ARMC8: variants seen among roughly 807,000 people sequenced by gnomAD.
ARMC8 encodes armadillo repeat-containing protein 8.
Under a neutral mutation model 99.3 loss-of-function variants are expected in ARMC8, and 20 were observed. That is an observed-to-expected ratio of 0.20 (90% CI 0.14 to 0.29). The LOEUF (loss-of-function observed/expected upper bound fraction) is 0.29. Ranked by LOEUF, ARMC8 falls within the 10% of genes least tolerant of loss-of-function variation. The pLI is 1.00. For synonymous variants in ARMC8, 263 were observed against 278.3 expected (o/e 0.95, Z 0.55); for missense variants, 569 against 809.5 (o/e 0.70, Z 3.60).
intron 16 of ARMC8, 133 bp downstream of exon 16, chr3:138,270,265 C>G: frequency 1.5e-6 from 1 of 685,184 alleles, no homozygotes; most frequent in Non-Finnish European, 2.4e-6. Context: ...TTCTAGTTTT[C>G]TAATGACTAG....
chr3:138,202,951 C>T (rs187890507), intron 1 of ARMC8, among the ~76,000 whole-genome samples: 2 of 152,122 alleles, frequency 1.3e-5, no homozygotes, highest in African/African-American at 2.4e-5. Flanking sequence ...GGAGTTTAAA[C>T]CCTACCTGAA....
At chr3:138,235,176 C>G (rs1421577878) in intron 7 of ARMC8, 62 bp downstream of exon 7, 1 of 1,137,780 alleles carries the variant, frequency 8.8e-7, no homozygotes, top group East Asian at 2.4e-5. Context: ...AGAAACAGAC[C>G]CACATATTTT....
At chr3:138,264,083 G>C in intron 13 of ARMC8, 48 bp from the exon 14 acceptor site, 7 of 1,544,944 alleles carry the variant, frequency 4.5e-6, no homozygotes, top group Non-Finnish European at 6.3e-6. Context: ...TGTTTGAAAA[G>C]TAAAAGTTTT....
At chr3:138,188,997 T>A (rs560610938) in intron 1 of ARMC8, among the ~76,000 whole-genome samples, 50 of 152,302 alleles carry the variant, frequency 3.3e-4, no homozygotes, top group Non-Finnish European at 4.7e-4. Flanking sequence ...TGCAGGCCAA[T>A]GACTTTTACC....
chr3:138,278,635 T>C (rs1389934233), intron 18 of ARMC8, among the ~76,000 whole-genome samples: 2 of 152,232 alleles, frequency 1.3e-5, no homozygotes, highest in Admixed American at 1.3e-4. Context: ...ATTGTATTTA[T>C]AAATAAATTT....
chr3:138,292,985 A>G (rs902083279), intron 21 of ARMC8, among the ~76,000 whole-genome samples: 9 of 152,286 alleles, frequency 5.9e-5, no homozygotes, highest in Admixed American at 5.2e-4. Flanking sequence ...TTCAAAACTC[A>G]TATCAGGTTG....
At chr3:138,292,031 TTTTTCTTTCTTTTC>T (rs1311894724) in intron 21 of ARMC8, among the ~76,000 whole-genome samples, 1 of 152,144 alleles carries the variant, frequency 6.6e-6, no homozygotes, top group Non-Finnish European at 1.5e-5. Context: ...CCTTTTTCTT[TTTTTCTTTCTTTTC>T]TTTTCTTTCG....
chr3:138,276,354 C>T (rs1196601257), intron 18 of ARMC8, among the ~76,000 whole-genome samples: 3 of 152,190 alleles, frequency 2.0e-5, no homozygotes, highest in African/African-American at 7.2e-5. Flanking sequence ...ATGAAACTGT[C>T]ACCACAGACA....
chr3:138,266,712 A>T, intron 14 of ARMC8, among the ~76,000 whole-genome samples: 1 of 152,214 alleles, frequency 6.6e-6, no homozygotes, highest in East Asian at 1.9e-4. Context: ...ATGCAGTAGT[A>T]GCCTGCTTGA....
chr3:138,258,021 C>T (rs2047491986), intron 12 of ARMC8, among the ~76,000 whole-genome samples: 1 of 152,176 alleles, frequency 6.6e-6, no homozygotes, highest in African/African-American at 2.4e-5. Flanking sequence ...CTTGTTATTA[C>T]TCATAATCCA....
intron 12 of ARMC8, among the ~76,000 whole-genome samples, chr3:138,250,274 T>C (rs1041782182): frequency 1.3e-5 from 2 of 152,068 alleles, no homozygotes; most frequent in African/African-American, 4.8e-5. Flanking sequence ...ACATAATAGG[T>C]GCTCAATAAA....
chr3:138,265,981 G>A (rs1394502055), intron 14 of ARMC8, among the ~76,000 whole-genome samples: 1 of 152,170 alleles, frequency 6.6e-6, no homozygotes, highest in African/African-American at 2.4e-5. Flanking sequence ...CACTACTCAG[G>A]AGCTGTCAGG....
At chr3:138,288,984 C>CA (rs891398550) in intron 19 of ARMC8, 64 bp from the exon 20 acceptor site, 1,123 of 1,347,294 alleles carry the variant, frequency 8.3e-4, no homozygotes, top group Non-Finnish European at 9.2e-4. Context: ...TAGGTCCCCC[C>CA]AAAAAAAAAT....
intron 1 of ARMC8, among the ~76,000 whole-genome samples, chr3:138,207,808 GATT>G (rs994960869): frequency 6.6e-6 from 1 of 152,202 alleles, no homozygotes; most frequent in African/African-American, 2.4e-5. Flanking sequence ...GGATTGAGCA[GATT>G]ATTGTTGAGA....
intron 1 of ARMC8, 147 bp from the exon 2 acceptor site, chr3:138,209,670 C>A: frequency 3.1e-6 from 2 of 640,356 alleles, no homozygotes; most frequent in Non-Finnish European, 5.5e-6. Context: ...TATCCCATAT[C>A]ATGAGGAGGC....
chr3:138,188,298 G>A, intron 1 of ARMC8: 2 of 1,032,198 alleles, frequency 1.9e-6, no homozygotes, highest in Non-Finnish European at 2.7e-6. Context: ...GTCAAACATT[G>A]AAGGGGGGAA....
At chr3:138,200,703 A>T (rs1323981879) in intron 1 of ARMC8, among the ~76,000 whole-genome samples, 2 of 151,786 alleles carry the variant, frequency 1.3e-5, no homozygotes, top group Non-Finnish European at 2.9e-5. Flanking sequence ...CTTAGCATAC[A>T]CCCTTCCCTT....
Position 138,201,436 on chromosome 3 carries a change from C to CTTTTTTT in ARMC8, c.46-8346_46-8340dup, listed in dbSNP as rs58707271. 4.6e-4 allele frequency among the ~76,000 whole-genome samples: 30 copies of CTTTTTTT among 64,994 alleles called. 9 individuals are homozygous for CTTTTTTT. The highest frequency in any genetic ancestry group is 6.8e-4 in the Non-Finnish European group (20 of 29,394). The allele number at this position is 64,994 out of a possible 152,430, so 42.6% of individuals were successfully genotyped here. ...TAGAGTCCTTGTCTTCTTCCCCTCC[C>CTTTTTTT]TTTTTTTTTTTTTTTTTTTTTTTTT... On this transcript the variant is annotated intron_variant, in intron 1 of 21. Transcript: ENST00000469044.
At chr3:138,294,899 GTTC>G (rs1269977221) in intron 21 of ARMC8, among the ~76,000 whole-genome samples, 7 of 148,670 alleles carry the variant, frequency 4.7e-5, no homozygotes, top group Non-Finnish European at 1.0e-4. Context: ...TTTGTTTTTT[GTTC>G]TTTTTTTTTT....
Sources: allele counts gnomAD v4.1 joint callset (sites outside exome capture counted in the v4.1 genomes callset), GRCh38; gene constraint gnomAD v4.1.1; transcripts MANE v1.5; gene names NCBI Gene and HGNC (gene_info 2026-07-23, HGNC 2026-07-21).